Variants in RNGTT observed in about 807,000 individuals in gnomAD.
RNGTT encodes mRNA-capping enzyme.
Under a neutral mutation model 79.3 loss-of-function variants are expected in RNGTT, and 33 were observed. That is an observed-to-expected ratio of 0.42 (90% confidence interval 0.32 to 0.56). The LOEUF (loss-of-function observed/expected upper bound fraction) is 0.56. Ranked by LOEUF, RNGTT falls within the 20% of genes least tolerant of loss-of-function variation. RNGTT has a pLI of 0.17. For synonymous variants in RNGTT, 222 were observed against 235.9 expected, an observed-to-expected ratio of 0.94 and a Z score of 0.54; for missense variants, 497 against 739.1, an observed-to-expected ratio of 0.67 and a Z score of 3.80.
chr6:88,752,165 A>G (rs1353771598), intron 13 of RNGTT, among the ~76,000 whole-genome samples: 1 of 152,114 alleles, frequency 6.6e-6, no homozygotes, highest in East Asian at 1.9e-4. Flanking sequence ...ATGCTAGAGG[A>G]TATTAAATAT....
intron 14 of RNGTT, among the ~76,000 whole-genome samples, chr6:88,660,663 T>C (rs921060459): frequency 6.6e-5 from 10 of 152,034 alleles, no homozygotes; most frequent in Non-Finnish European, 1.2e-4. Context: ...CCCAAATTTA[T>C]ACAACAATTA....
chr6:88,770,355 T>G (rs1350859830), intron 12 of RNGTT, among the ~76,000 whole-genome samples: 1 of 152,220 alleles, frequency 6.6e-6, no homozygotes, highest in Non-Finnish European at 1.5e-5. Context: ...AACAGTGATC[T>G]GCTTTCTACG....
intron 2 of RNGTT, among the ~76,000 whole-genome samples, chr6:88,936,706 T>C (rs1784677331): frequency 6.6e-6 from 1 of 152,236 alleles, no homozygotes; most frequent in Admixed American, 6.5e-5. Flanking sequence ...GAACCATCAT[T>C]GCATCAGAGA....
At chr6:88,935,201 A>G (rs1399590261) in intron 2 of RNGTT, among the ~76,000 whole-genome samples, 1 of 152,110 alleles carries the variant, frequency 6.6e-6, no homozygotes, top group African/African-American at 2.4e-5. Flanking sequence ...TCCCCAATGT[A>G]TGTTCTTGGT....
intron 4 of RNGTT, among the ~76,000 whole-genome samples, chr6:88,927,431 G>C (rs1376064138): frequency 6.6e-6 from 1 of 152,148 alleles, no homozygotes; most frequent in East Asian, 1.9e-4. Context: ...GGGAGGCTGA[G>C]GCGGGCAGAT....
intron 13 of RNGTT, among the ~76,000 whole-genome samples, chr6:88,756,637 A>G (rs1374776939): frequency 6.6e-6 from 1 of 152,254 alleles, no homozygotes; most frequent in Non-Finnish European, 1.5e-5. Flanking sequence ...CTTAGAAAGT[A>G]AAGGAATTTT....
At chr6:88,734,200 C>T (rs1777208992) in intron 13 of RNGTT, among the ~76,000 whole-genome samples, 1 of 152,002 alleles carries the variant, frequency 6.6e-6, no homozygotes, top group Admixed American at 6.6e-5. Context: ...CTGAGATACT[C>T]TGTTACAAGG....
rs35623392 is a variant in RNGTT at position 88,704,259 on chromosome 6, C to CAAAAAA, written c.1440-25846_1440-25841dup. Among the ~76,000 whole-genome samples the CAAAAAA allele has an allele frequency of 1.4e-3, 69 of 48,708 alleles. 3 individuals carry two copies. The highest frequency in any genetic ancestry group is 4.2e-3 in the African/African-American group (63 of 15,050). The allele number at this position is 48,708 out of a possible 152,430, so 32.0% of individuals were successfully genotyped here. On this transcript the variant is annotated intron_variant, in intron 13 of 15. Transcript: ENST00000369485. ...TGGGTGACAGAGCGAGACTCTGTCT[C>CAAAAAA]AAAAAAAAAAAAAAAAAAAAAAAAA... is the stretch of plus-strand genomic sequence containing the variant.
chr6:88,715,268 G>A (rs1185490274), intron 13 of RNGTT, among the ~76,000 whole-genome samples: 2 of 152,028 alleles, frequency 1.3e-5, no homozygotes, highest in Non-Finnish European at 2.9e-5. Context: ...GGGATGTGAA[G>A]GACCTCTTCA....
intron 13 of RNGTT, among the ~76,000 whole-genome samples, chr6:88,700,632 G>A (rs1775914599): frequency 3.3e-5 from 5 of 152,104 alleles, no homozygotes. Flanking sequence ...TCCATCCTAA[G>A]AGAGATGATT....
At chr6:88,735,110 G>A (rs9344849) in intron 13 of RNGTT, among the ~76,000 whole-genome samples, 19,765 of 152,012 alleles carry the variant, frequency 0.13, 1,457 homozygotes, top group Middle Eastern at 0.23. Flanking sequence ...AATGATAAAC[G>A]GGTCAATTCT....
intron 13 of RNGTT, among the ~76,000 whole-genome samples, chr6:88,699,651 C>A (rs1162066612): frequency 6.6e-6 from 1 of 152,104 alleles, no homozygotes; most frequent in East Asian, 1.9e-4. Flanking sequence ...GGCAACAGAG[C>A]AAGGCCCTGT....
chr6:88,823,716 C>T (rs1191277466), intron 11 of RNGTT, among the ~76,000 whole-genome samples: 2 of 152,116 alleles, frequency 1.3e-5, no homozygotes, highest in African/African-American at 4.8e-5. Flanking sequence ...AAAATATAGA[C>T]TCTAGGCCTT....
At chr6:88,775,750 T>C (rs1338186011) in intron 12 of RNGTT, among the ~76,000 whole-genome samples, 2 of 152,194 alleles carry the variant, frequency 1.3e-5, no homozygotes, top group Non-Finnish European at 2.9e-5. Context: ...TGTTTCTGTG[T>C]ACTCAACTTT....
chr6:88,811,694 A>G (rs1364002911), intron 11 of RNGTT, among the ~76,000 whole-genome samples: 1 of 152,190 alleles, frequency 6.6e-6, no homozygotes, highest in Non-Finnish European at 1.5e-5. Flanking sequence ...ACGAATTGGC[A>G]ATATCAATTC....
intron 14 of RNGTT, among the ~76,000 whole-genome samples, chr6:88,637,086 C>A (rs944875697): frequency 2.0e-5 from 3 of 152,058 alleles, no homozygotes; most frequent in Admixed American, 1.3e-4. Context: ...AATGAGTTAA[C>A]ACATACAAAC....
At chr6:88,885,071 T>C (rs970255843) in intron 8 of RNGTT, among the ~76,000 whole-genome samples, 1 of 151,942 alleles carries the variant, frequency 6.6e-6, no homozygotes, top group African/African-American at 2.4e-5. Context: ...TACACATACA[T>C]ACAGACAGAT....
At chr6:88,746,386 T>C (rs1019413926) in intron 13 of RNGTT, among the ~76,000 whole-genome samples, 4 of 152,086 alleles carry the variant, frequency 2.6e-5, no homozygotes, top group Non-Finnish European at 5.9e-5. Context: ...TTGCCACAAG[T>C]ATATGCTTTA....
intron 1 of RNGTT, among the ~76,000 whole-genome samples, chr6:88,948,488 G>A (rs1222363111): frequency 7.5e-6 from 1 of 134,156 alleles, no homozygotes; most frequent in Non-Finnish European, 1.6e-5. Context: ...GGAGGGAGGT[G>A]GGGGGGTCAG....
Sources: allele counts gnomAD v4.1 joint callset (sites outside exome capture counted in the v4.1 genomes callset), GRCh38; gene constraint gnomAD v4.1.1; transcripts MANE v1.5; gene names NCBI Gene and HGNC (gene_info 2026-07-23, HGNC 2026-07-21).